ZNF644: variants seen among roughly 807,000 people sequenced by gnomAD.
The protein encoded by ZNF644 is zinc finger motif enhancer binding protein 2.
ZNF644 carries 20 observed loss-of-function variants against 108.0 expected under a neutral mutation model. That is an observed-to-expected ratio of 0.19 (90% CI 0.13 to 0.27). ZNF644 has a LOEUF of 0.27. ZNF644 is among the 10% of genes least tolerant of loss of function. The pLI, the probability that ZNF644 is intolerant of heterozygous loss-of-function variation, is 1.00. For missense variants in ZNF644, 1,338 were observed against 1,548.9 expected, an observed-to-expected ratio of 0.86 and a Z score of 2.29; for synonymous variants, 542 against 539.1, an observed-to-expected ratio of 1.01 and a Z score of -0.08.
At chr1:90,976,850 T>C (rs1256058417) in intron 2 of ZNF644, among the ~76,000 whole-genome samples, 1 of 152,140 alleles carries the variant, frequency 6.6e-6, no homozygotes, top group Non-Finnish European at 1.5e-5. Context: ...ATCCCTTATA[T>C]AATATGGCAT....
rs1557658514 is a variant in ZNF644 at position 91,007,222 on chromosome 1, TTTG to T, written c.-18+14765_-18+14767del. ...CTTAATTTCTTCCATTTTCTCCCAT[TTTG>T]TTTTTTTTTTTTTTTTTTTTTTTTT... On this transcript the variant is annotated intron_variant, in intron 1 of 5. Transcript: ENST00000337393. Among the ~76,000 whole-genome samples, 57 of 107,324 alleles carry T rather than the reference TTTG, an allele frequency of 5.3e-4. 5 individuals carry two copies. Among genetic ancestry groups the T allele is most frequent in the Non-Finnish European group, 8.7e-4 (41 of 47,180 alleles). 70.4% of individuals were successfully genotyped at this position (107,324 alleles called of 152,430 possible). A position where few individuals can be genotyped will look rare whatever the true frequency, so the allele number is the denominator to read the frequency against.
At chr1:90,933,557 G>A (rs191581137) in intron 4 of ZNF644, among the ~76,000 whole-genome samples, 217 of 152,178 alleles carry the variant, frequency 1.4e-3, no homozygotes, top group Admixed American at 3.4e-3. Context: ...CCAGCTACTC[G>A]GGAGGCTGAG....
rs1420173667 is a variant in ZNF644, at chr1:90,939,163, T to C, written c.2191A>G (p.Asn731Asp). 6.2e-7 allele frequency: 1 copy of C among 1,613,856 alleles called. No individual in the cohort carries two copies. The highest frequency in any genetic ancestry group is 8.5e-7 in the Non-Finnish European group (1 of 1,179,924). The change falls in exon 3 of 6, where the codon AAT becomes GAT. Residue 731 changes from asparagine (N) to aspartate (D), a missense_variant. Physicochemically the swap from Asn to Asp is conservative, Grantham distance 23 (BLOSUM62 1). This residue lies in a region of ZNF644 where 462 missense variants were observed against 472.6 expected (regional missense o/e 0.98). Coordinates refer to ENST00000337393, the MANE Select transcript of ZNF644 (RefSeq NM_201269.3). ...YFHQAAKEKS[N>D]AKANSHYLYR... ...AAATAGTGGCTATTTGCCTTGGCAT[T>C]AGACTTTTCTTTTGCTGCTTGATGG... is the stretch of plus-strand genomic sequence containing the variant.
At chr1:90,984,350 C>T (rs1001418099) in intron 1 of ZNF644, among the ~76,000 whole-genome samples, 19 of 151,960 alleles carry the variant, frequency 1.3e-4, no homozygotes, top group African/African-American at 4.6e-4. Flanking sequence ...GCTTACATAA[C>T]AGAAATTTAT....
Position 90,915,434 on chromosome 1 carries a change from T to G in ZNF644, c.*1364A>C, listed in dbSNP as rs1435373616. 1 of 152,626 alleles carries G rather than the reference T, an allele frequency of 6.6e-6. No homozygotes were observed. Among genetic ancestry groups the G allele is most frequent in the Non-Finnish European group, 1.5e-5 (1 of 68,006 alleles). 9.5% of individuals were successfully genotyped at this position (152,626 alleles called of 1,614,324 possible). ...TCCTTATTTTAACTGTTTTTAACTT[T>G]ATTTACATACGAAGCAAAGAATCAA... On this transcript the variant is annotated 3_prime_UTR_variant, in exon 6 of 6. Coordinates refer to ENST00000337393, the MANE Select transcript of ZNF644 (RefSeq NM_201269.3).
chr1:90,968,643 T>C (rs1655164233), intron 2 of ZNF644, among the ~76,000 whole-genome samples: 1 of 152,232 alleles, frequency 6.6e-6, no homozygotes, highest in Admixed American at 6.5e-5. Context: ...TTTTTACTGT[T>C]TCCTTAAATA....
chr1:90,966,765 A>C (rs1269419877), intron 2 of ZNF644, among the ~76,000 whole-genome samples: 4 of 151,460 alleles, frequency 2.6e-5, no homozygotes, highest in Non-Finnish European at 4.4e-5. Flanking sequence ...AAAAAAAAAA[A>C]AAAAATCTGG....
At chr1:90,991,130 T>C (rs1463717027) in intron 1 of ZNF644, among the ~76,000 whole-genome samples, 2 of 152,176 alleles carry the variant, frequency 1.3e-5, no homozygotes, top group African/African-American at 2.4e-5. Context: ...GCAGAAAATT[T>C]GAAGCAGCAC....
chr1:91,017,804 A>T (rs1006581073), intron 1 of ZNF644, among the ~76,000 whole-genome samples: 7 of 152,130 alleles, frequency 4.6e-5, no homozygotes, highest in Admixed American at 1.3e-4. Context: ...TCTACTAAAA[A>T]TACAAACATT....
At chr1:90,946,331 A>C (rs1345833069) in intron 2 of ZNF644, among the ~76,000 whole-genome samples, 1 of 152,068 alleles carries the variant, frequency 6.6e-6, no homozygotes, top group African/African-American at 2.4e-5. Flanking sequence ...GGTGTCCAGC[A>C]TGAGACTGAC....
rs1056958736 is a variant in ZNF644, at chr1:90,940,909, T to C, written c.445A>G (p.Thr149Ala). ...TTGQPVDQPT[T>A]ESCSTLKVAA... ...ACCTTCAAAGTTGAACAAGATTCTGTTGTTGGCTGATCCACAGGCTGTCCA... is the reference window on the plus strand; with the variant it reads ...ACCTTCAAAGTTGAACAAGATTCTGCTGTTGGCTGATCCACAGGCTGTCCA... Residue 149 changes from threonine (T) to alanine (A), a missense_variant, in exon 3 of 6, where the codon ACA becomes GCA. By Grantham distance (58) the Thr-to-Ala change is moderately conservative. Transcript: ENST00000337393. 2.5e-6 allele frequency: 4 copies of C among 1,613,998 alleles called. No individual in the cohort carries two copies. The highest frequency in any genetic ancestry group is 3.4e-6 in the Non-Finnish European group (4 of 1,180,004).
At chr1:90,962,695 T>C (rs1214189257) in intron 2 of ZNF644, among the ~76,000 whole-genome samples, 2 of 152,080 alleles carry the variant, frequency 1.3e-5, no homozygotes, top group African/African-American at 2.4e-5. Context: ...GTAGGATATT[T>C]AGCAGCACCA....
chr1:90,998,878 G>A (rs1036416702), intron 1 of ZNF644, among the ~76,000 whole-genome samples: 2 of 152,194 alleles, frequency 1.3e-5, no homozygotes, highest in Non-Finnish European at 2.9e-5. Context: ...TGAAAACCAT[G>A]GCACGAGAAC....
chr1:91,021,518 T>TC, intron 1 of ZNF644: 2 of 152,474 alleles, frequency 1.3e-5, no homozygotes, highest in East Asian at 1.9e-4. Flanking sequence ...CTCGGCCCCT[T>TC]CCCCCTACTG....
intron 2 of ZNF644, among the ~76,000 whole-genome samples, chr1:90,979,237 TAAG>T (rs1031358044): frequency 1.3e-5 from 2 of 152,156 alleles, no homozygotes; most frequent in Non-Finnish European, 2.9e-5. Context: ...TTCGGAAGGC[TAAG>T]GAGGGTGGGT....
chr1:90,935,417 T>G (rs1430725769), intron 4 of ZNF644: 1 of 985,714 alleles, frequency 1.0e-6, no homozygotes, highest in Admixed American at 6.2e-5. Flanking sequence ...CCTGTACCAG[T>G]CAAAAGTCCA....
At chr1:91,005,545 A>G (rs1473891690) in intron 1 of ZNF644, among the ~76,000 whole-genome samples, 1 of 152,300 alleles carries the variant, frequency 6.6e-6, no homozygotes, top group South Asian at 2.1e-4. Context: ...GACAAGTGTC[A>G]ATAAATTTTA....
At chr1:91,021,641 C>CT (rs1266116266) in intron 1 of ZNF644, 1 of 141,536 alleles carries the variant, frequency 7.1e-6, no homozygotes, top group South Asian at 2.5e-4. Context: ...AAAGCCCCCC[C>CT]CCCATCCCCC....
chr1:90,982,299 C>G lies in ZNF644; in HGVS notation c.44+11G>C, dbSNP rs559755467. ...TGATATGTACATTTAACAAAGCAGT[C>G]TTCTACTTACCTAGATTTTGTCTTA... On this transcript the variant is annotated intron_variant, in intron 2 of 5. Coordinates refer to ENST00000337393, the MANE Select transcript of ZNF644 (RefSeq NM_201269.3). 8.5e-5 allele frequency: 137 copies of G among 1,605,294 alleles called. 3 individuals are homozygous for G. The South Asian group carries it at 1.5e-3, about 17-fold the overall frequency.
Sources: allele counts gnomAD v4.1 joint callset (sites outside exome capture counted in the v4.1 genomes callset), GRCh38; gene constraint gnomAD v4.1.1; regional missense constraint gnomAD v4.1.1; transcripts MANE v1.5; gene names NCBI Gene and HGNC (gene_info 2026-07-23, HGNC 2026-07-21).